Variants in SYNE2 observed in about 807,000 individuals in gnomAD.
SYNE2 encodes the protein spectrin repeat containing nuclear envelope protein 2, also known as nesprin-2.
Under a neutral mutation model 856.3 loss-of-function variants are expected in SYNE2, and 431 were observed. That is an observed-to-expected ratio of 0.50 (90% CI 0.47 to 0.55). The LOEUF (loss-of-function observed/expected upper bound fraction) is 0.55, where lower values mean the gene tolerates loss of function less well. Ranked by LOEUF, SYNE2 falls within the 20% of genes least tolerant of loss-of-function variation. SYNE2 has a pLI of 0.00. For synonymous variants in SYNE2, 2,923 were observed against 2,872.3 expected (o/e 1.02, Z -0.56); for missense variants, 8,129 against 8,023.2 (o/e 1.01, Z -0.50).
chr14:63,992,184 A>G (rs915477384), intron 21 of SYNE2, among the ~76,000 whole-genome samples: 2 of 151,784 alleles, frequency 1.3e-5, no homozygotes, highest in Non-Finnish European at 2.9e-5. Context: ...CTTGTTTTAA[A>G]CGATGGTGAG....
intron 31 of SYNE2, among the ~76,000 whole-genome samples, chr14:64,009,535 CAAAAAAAAAAAAA>C (rs67434536): frequency 1.2e-4 from 9 of 77,426 alleles, no homozygotes; most frequent in African/African-American, 3.4e-4. Flanking sequence ...GACTCTGTCT[CAAAAAAAAAAAAA>C]AAAAAAAAAA....
chr14:64,182,410 T>C (rs1335702716), intron 96 of SYNE2, among the ~76,000 whole-genome samples: 2 of 152,270 alleles, frequency 1.3e-5, no homozygotes, highest in East Asian at 1.9e-4. Context: ...TTTATTTATA[T>C]TGATCATTCT....
chr14:64,137,254 C>T (rs1567421238), intron 78 of SYNE2, among the ~76,000 whole-genome samples: 1 of 152,172 alleles, frequency 6.6e-6, no homozygotes, highest in African/African-American at 2.4e-5. Context: ...GGCTGGAGTG[C>T]AGTGGCACAA....
intron 6 of SYNE2, among the ~76,000 whole-genome samples, chr14:63,947,777 C>T (rs1469466230): frequency 2.0e-5 from 3 of 151,920 alleles, no homozygotes; most frequent in Non-Finnish European, 4.4e-5. Flanking sequence ...GCGGAGGTTG[C>T]GGTGAGCCGA....
chr14:64,024,196 G>A, intron 38 of SYNE2, 61 bp from the exon 39 acceptor site: 1 of 1,478,532 alleles, frequency 6.8e-7, no homozygotes, highest in South Asian at 1.1e-5. Context: ...TGTCGTGAGG[G>A]TGGCAGAGAC....
chr14:64,046,762 C>A lies in SYNE2; in HGVS notation c.7222-1238C>A, dbSNP rs112895246. Reference sequence around the variant, plus strand: ...GTGCTCAACCCCTTGCTGGAGGGAGCACATGAGCAAGTGAGCATAGAATCT... The same window carrying A: ...GTGCTCAACCCCTTGCTGGAGGGAGAACATGAGCAAGTGAGCATAGAATCT... On this transcript the variant is annotated intron_variant, in intron 45 of 115. Transcript: ENST00000555002. Among the ~76,000 whole-genome samples the A allele has an allele frequency of 6.2e-3, 941 of 152,282 alleles. 8 individuals are homozygous for A. Among genetic ancestry groups the A allele is most frequent in the African/African-American group, 0.021 (883 of 41,560 alleles).
intron 1 of SYNE2, among the ~76,000 whole-genome samples, chr14:63,902,695 T>A (rs574448675): frequency 6.6e-6 from 1 of 151,938 alleles, no homozygotes; most frequent in Admixed American, 6.6e-5. Context: ...CCTTTTTGTT[T>A]TTTTCTTTTT....
chr14:64,100,549 T>A (rs1444939773), intron 63 of SYNE2, among the ~76,000 whole-genome samples: 2,408 of 97,784 alleles, frequency 0.025, 191 homozygotes, highest in African/African-American at 0.046. Flanking sequence ...TATATATATA[T>A]ATATATATAT....
intron 32 of SYNE2, 89 bp downstream of exon 32, chr14:64,010,205 G>A: frequency 7.1e-7 from 1 of 1,412,788 alleles, no homozygotes; most frequent in East Asian, 2.5e-5. Context: ...AGTCTTTTTT[G>A]AAACTTCGTT....
rs78371628 is a variant in SYNE2, at chr14:64,062,654, T to G, written c.10068-97T>G. The G allele has an allele frequency of 0.031, 37,387 of 1,209,686 alleles. 769 individuals are homozygous for G. The highest frequency in any genetic ancestry group is 0.078 in the Admixed American group (3,778 of 48,722). 74.9% of individuals were successfully genotyped at this position (1,209,686 alleles called of 1,614,324 possible). On this transcript the variant is annotated intron_variant, in intron 49 of 115. Coordinates refer to ENST00000555002, the MANE Select transcript of SYNE2 (RefSeq NM_182914.3). Reference sequence around the variant, plus strand: ...AAAACGAAAGTTGTCATATCTTTTCTTAAAAATTAAGTGTGGAATATTTAT... The same window carrying G: ...AAAACGAAAGTTGTCATATCTTTTCGTAAAAATTAAGTGTGGAATATTTAT...
At chr14:63,858,824 C>A (rs74058062) in intron 1 of SYNE2, among the ~76,000 whole-genome samples, 2,081 of 152,182 alleles carry the variant, frequency 0.014, 40 homozygotes, top group African/African-American at 0.047. Flanking sequence ...AGATACTGTT[C>A]TTAATTTTGA....
chr14:63,962,773 C>T (rs1304900791), intron 9 of SYNE2, among the ~76,000 whole-genome samples: 7 of 152,128 alleles, frequency 4.6e-5, no homozygotes, highest in Admixed American at 2.0e-4. Context: ...AACTCCTGGC[C>T]TCAAGTGATC....
chr14:64,223,478 A>G (rs1201812919), intron 113 of SYNE2, 98 bp downstream of exon 113: 2 of 1,432,096 alleles, frequency 1.4e-6, no homozygotes, highest in East Asian at 4.7e-5. Flanking sequence ...GGCCAGAAGC[A>G]AGGGCCAGGT....
At chr14:63,762,208 G>A (rs1001053250) in intron 1 of SYNE2, 16 of 231,568 alleles carry the variant, frequency 6.9e-5, no homozygotes, top group Non-Finnish European at 1.3e-4. Flanking sequence ...CGAGGCAGGC[G>A]AATCACCTGA....
intron 99 of SYNE2, chr14:64,191,157 T>C: frequency 2.6e-6 from 1 of 382,878 alleles, no homozygotes; most frequent in Non-Finnish European, 4.6e-6. Context: ...AATTTATTAT[T>C]TAAATTAAAT....
Position 64,203,946 on chromosome 14 carries a change from G to A in SYNE2, c.18201+983G>A, listed in dbSNP as rs573770063. The stretch of plus-strand genomic sequence containing the variant: ...TGCCCCGGCTGGTCTTTAACTTCTG[G>A]GCTCAAGTGATCCTCCCACCCCAGC... On this transcript the variant is annotated intron_variant, in intron 100 of 115. Coordinates refer to ENST00000555002, the MANE Select transcript of SYNE2 (RefSeq NM_182914.3). Among the ~76,000 whole-genome samples, 231 of 152,144 alleles carry A rather than the reference G, an allele frequency of 1.5e-3. 9 individuals are homozygous for A. In the South Asian group the frequency reaches 0.045, roughly 30 times the overall value.
At chr14:64,041,395 A>G (rs1027976671) in intron 45 of SYNE2, among the ~76,000 whole-genome samples, 6 of 152,194 alleles carry the variant, frequency 3.9e-5, no homozygotes, top group African/African-American at 1.2e-4. Flanking sequence ...TTTAAAGACA[A>G]TCTACTGAAA....
chr14:64,097,911 A>C (rs964009528), intron 61 of SYNE2, 38 bp from the exon 62 acceptor site: 8 of 1,610,790 alleles, frequency 5.0e-6, no homozygotes, highest in Admixed American at 3.3e-5. Context: ...CAGAGGCCTC[A>C]GACTTCTCAA....
At chr14:63,976,917 A>T (rs1342098623) in intron 12 of SYNE2, among the ~76,000 whole-genome samples, 190 bp downstream of exon 12, 3 of 151,576 alleles carry the variant, frequency 2.0e-5, no homozygotes, top group Non-Finnish European at 4.4e-5. Flanking sequence ...TTAGTTTAAG[A>T]TTGAAACAAT....
Sources: gnomAD v4.1 joint callset for allele counts (sites outside exome capture counted in the v4.1 genomes callset) on GRCh38, gnomAD v4.1.1 for gene constraint, MANE v1.5 for transcripts, NCBI Gene and HGNC (gene_info 2026-07-23, HGNC 2026-07-21) for gene names.